The following ARHGAP29 variants were observed in gnomAD, a reference collection of about 807,000 sequenced individuals.
The protein encoded by ARHGAP29 is Rho GTPase activating protein 29, also known as rho GTPase-activating protein 29.
ARHGAP29 carries 43 observed loss-of-function variants against 122.6 expected under a neutral mutation model. The observed-to-expected ratio is 0.35, with a 90% CI of 0.27 to 0.45. The LOEUF (loss-of-function observed/expected upper bound fraction) is 0.45, where lower values mean the gene tolerates loss of function less well. Ranked by LOEUF, ARHGAP29 falls within the 20% of genes least tolerant of loss-of-function variation. ARHGAP29 has a pLI of 1.00. For synonymous variants in ARHGAP29, 506 were observed against 497.1 expected, an observed-to-expected ratio of 1.02 and a Z score of -0.24; for missense variants, 1,303 against 1,477.2, an observed-to-expected ratio of 0.88 and a Z score of 1.93.
At chr1:94,308,593 G>A in the ARHGAP29 span, among the ~76,000 whole-genome samples, 1 of 152,046 alleles carries the variant, frequency 6.6e-6, no homozygotes, top group Non-Finnish European at 1.5e-5. Context: ...TCATTTTTTT[G>A]GTTTTTGTTT....
the ARHGAP29 span, among the ~76,000 whole-genome samples, chr1:94,301,442 A>G: frequency 1.3e-5 from 2 of 152,172 alleles, no homozygotes; most frequent in African/African-American, 4.8e-5. Flanking sequence ...AGTTTTTAAA[A>G]TGAACACCTA....
intron 12 of ARHGAP29, among the ~76,000 whole-genome samples, chr1:94,200,352 G>C (rs1650761280): frequency 6.6e-6 from 1 of 152,122 alleles, no homozygotes; most frequent in African/African-American, 2.4e-5. Context: ...ACCACAATTA[G>C]ATAACACACC....
intron 15 of ARHGAP29, among the ~76,000 whole-genome samples, chr1:94,187,152 C>T (rs1409770200): frequency 6.6e-6 from 1 of 152,172 alleles, no homozygotes; most frequent in Non-Finnish European, 1.5e-5. Context: ...CCACAGGATA[C>T]AAGCTATGTC....
At chr1:94,288,074 G>C in the ARHGAP29 span, among the ~76,000 whole-genome samples, 1 of 151,400 alleles carries the variant, frequency 6.6e-6, no homozygotes, top group South Asian at 2.1e-4. Flanking sequence ...TGATCCACAC[G>C]GTCTTCCACA....
intron 19 of ARHGAP29, among the ~76,000 whole-genome samples, chr1:94,182,737 G>A (rs1020745860): frequency 6.6e-6 from 1 of 152,078 alleles, no homozygotes; most frequent in African/African-American, 2.4e-5. Context: ...AAAGACATTC[G>A]TGGATAAATA....
upstream of ARHGAP29, among the ~76,000 whole-genome samples, chr1:94,239,766 T>C (rs1653506643): frequency 1.5e-4 from 1 of 6,754 alleles, no homozygotes; most frequent in South Asian, 0.071. Flanking sequence ...AATTAGGCTC[T>C]GAGGTTTTAC....
intron 18 of ARHGAP29, 125 bp from the exon 19 acceptor site, chr1:94,184,413 A>G (rs572581263): frequency 1.3e-6 from 1 of 773,190 alleles, no homozygotes; most frequent in East Asian, 3.0e-5. Flanking sequence ...TTATTTTAGA[A>G]AAAAACTATT....
intron 12 of ARHGAP29, among the ~76,000 whole-genome samples, chr1:94,198,000 GA>G (rs941026778): frequency 1.4e-4 from 22 of 151,952 alleles, no homozygotes; most frequent in African/African-American, 4.8e-4. Context: ...AGGACAATAA[GA>G]AAAAGAAATA....
At chr1:94,302,017 C>T in the ARHGAP29 span, 1 of 203,516 alleles carries the variant, frequency 4.9e-6, no homozygotes, top group Middle Eastern at 2.3e-3. Context: ...AGTGAGGCAC[C>T]AGCTATGTCC....
the ARHGAP29 span, among the ~76,000 whole-genome samples, chr1:94,310,450 C>T: frequency 3.3e-5 from 5 of 152,306 alleles, no homozygotes; most frequent in African/African-American, 4.8e-5. Context: ...CAAACATGCT[C>T]TTTACAAATA....
intron 1 of ARHGAP29, among the ~76,000 whole-genome samples, chr1:94,251,465 G>C (rs572498629): frequency 3.9e-5 from 6 of 152,234 alleles, no homozygotes; most frequent in Non-Finnish European, 7.4e-5. Flanking sequence ...TAAATGAAAA[G>C]CTGAGACACA....
At position 94,174,376 on chromosome 1, in the gene ARHGAP29, C is replaced by A; in HGVS notation, c.3279G>T (p.Lys1093Asn). Residue 1093 changes from lysine (K) to asparagine (N), a missense_variant, in exon 23 of 23, where the codon AAG (lysine) becomes AAT (asparagine). This residue lies in a region of ARHGAP29 where 620 missense variants were observed against 651.2 expected (regional missense o/e 0.95). Transcript: ENST00000260526. ...KQYEQNSLTA[K>N]TTMIMPSALQ... ...GTGCACTGGGCATGATCATTGTAGT[C>A]TTGGCAGTTAGGCTGTTTTGTTCAT... 6.2e-7 allele frequency: 1 copy of A among 1,614,084 alleles called. No individual in the cohort carries two copies. The highest frequency in any genetic ancestry group is 8.5e-7 in the Non-Finnish European group (1 of 1,180,012).
the ARHGAP29 span, among the ~76,000 whole-genome samples, chr1:94,311,656 G>A: frequency 6.6e-6 from 1 of 152,104 alleles, no homozygotes; most frequent in Non-Finnish European, 1.5e-5. Context: ...GATTTCCTCA[G>A]TCAACTCACT....
At chr1:94,297,737 T>A in the ARHGAP29 span, among the ~76,000 whole-genome samples, 178 of 151,808 alleles carry the variant, frequency 1.2e-3, 2 homozygotes, top group Middle Eastern at 0.014. Flanking sequence ...AACTTGGGGG[T>A]TCTTGTTGGG....
At chr1:94,239,864 A>G (rs979295056), upstream of ARHGAP29, among the ~76,000 whole-genome samples, 5 of 152,168 alleles carry the variant, frequency 3.3e-5, no homozygotes, top group African/African-American at 7.2e-5. Flanking sequence ...AATTTTTTCC[A>G]TTACACCTCA....
At chr1:94,285,768 G>C in the ARHGAP29 span, among the ~76,000 whole-genome samples, 1 of 151,540 alleles carries the variant, frequency 6.6e-6, no homozygotes, top group African/African-American at 2.4e-5. Context: ...CCAGCTACTT[G>C]GGAGGCTAAG....
Position 94,177,997 on chromosome 1 carries a change from T to C in ARHGAP29, c.2651A>G (p.Lys884Arg), listed in dbSNP as rs1277042794. Residue 884 changes from lysine to arginine, a missense_variant, in exon 21 of 23, where the codon AAG (lysine) becomes AGG (arginine). Transcript: ENST00000260526. ...TGGTTGTAGGGACCCATCGAAGATCTTCTGTGAGTAAGTAATGAGAAACTC... is the reference window on the plus strand; with the variant it reads ...TGGTTGTAGGGACCCATCGAAGATCCTCTGTGAGTAAGTAATGAGAAACTC... ...LVEFLITYSQ[K>R]IFDGSLQPQD... The C allele has an allele frequency of 7.4e-6, 12 of 1,614,186 alleles. No homozygotes were observed. Among genetic ancestry groups the C allele is most frequent in the Non-Finnish European group, 9.3e-6 (11 of 1,180,026 alleles).
At chr1:94,292,510 G>T in the ARHGAP29 span, among the ~76,000 whole-genome samples, 5 of 152,324 alleles carry the variant, frequency 3.3e-5, no homozygotes, top group South Asian at 2.1e-4. Context: ...GCAAGGAGTT[G>T]TGTTCCTTTG....
At chr1:94,213,202 CAG>C (rs1263644522) in intron 3 of ARHGAP29, among the ~76,000 whole-genome samples, 7 of 152,232 alleles carry the variant, frequency 4.6e-5, no homozygotes, top group Admixed American at 4.6e-4. Flanking sequence ...TTTTCTGAGA[CAG>C]AGTCTCGCTC....
Sources: allele counts gnomAD v4.1 joint callset (sites outside exome capture counted in the v4.1 genomes callset), GRCh38; gene constraint gnomAD v4.1.1; regional missense constraint gnomAD v4.1.1; transcripts MANE v1.5; gene names NCBI Gene and HGNC (gene_info 2026-07-23, HGNC 2026-07-21).